ABL1: variants seen among roughly 807,000 people sequenced by gnomAD.
The protein encoded by ABL1 is ABL proto-oncogene 1, non-receptor tyrosine kinase, also known as tyrosine-protein kinase ABL1.
Under a neutral mutation model 94.7 loss-of-function variants are expected in ABL1, and 11 were observed. The observed-to-expected ratio is 0.12, with a 90% confidence interval of 0.07 to 0.19. The LOEUF (loss-of-function observed/expected upper bound fraction) is 0.19, where lower values mean the gene tolerates loss of function less well. ABL1 is among the 10% of genes least tolerant of loss of function. ABL1 has a pLI of 1.00. For missense variants in ABL1, 1,082 were observed against 1,489.4 expected (o/e 0.73, Z 4.50); for synonymous variants, 656 against 622.4 (o/e 1.05, Z -0.80).
At chr9:130,720,645 C>CTA (rs1831502939) in intron 1 of ABL1, among the ~76,000 whole-genome samples, 1 of 152,140 alleles carries the variant, frequency 6.6e-6, no homozygotes, top group Non-Finnish European at 1.5e-5. Flanking sequence ...TCCGAGGGGA[C>CTA]TATACTATCT....
At chr9:130,807,192 T>C (rs1213435634) in intron 1 of ABL1, among the ~76,000 whole-genome samples, 1 of 152,142 alleles carries the variant, frequency 6.6e-6, no homozygotes, top group Non-Finnish European at 1.5e-5. Flanking sequence ...TGCATGGTAT[T>C]CTATTGTGTG....
intron 6 of ABL1, among the ~76,000 whole-genome samples, chr9:130,873,681 CT>C (rs1201029577): frequency 2.6e-4 from 40 of 152,330 alleles, no homozygotes; most frequent in African/African-American, 9.6e-4. Flanking sequence ...CCACAATTAT[CT>C]TGGTCTTCAA....
At chr9:130,744,328 A>C (rs1445658672) in intron 1 of ABL1, among the ~76,000 whole-genome samples, 2 of 151,318 alleles carry the variant, frequency 1.3e-5, no homozygotes, top group African/African-American at 4.8e-5. Flanking sequence ...TTTTTAGTAG[A>C]GATGGGGTTT....
chr9:130,868,956 A>G (rs1352213642), intron 4 of ABL1, among the ~76,000 whole-genome samples: 1 of 151,924 alleles, frequency 6.6e-6, no homozygotes, highest in Admixed American at 6.6e-5. Flanking sequence ...TCACAAGGTC[A>G]GGAGATCAAG....
intron 1 of ABL1, among the ~76,000 whole-genome samples, chr9:130,751,044 A>G (rs1831958439): frequency 6.6e-6 from 1 of 151,266 alleles, no homozygotes; most frequent in South Asian, 2.1e-4. Flanking sequence ...TGCTAAAAAC[A>G]TGCAAGACAG....
chr9:130,822,049 G>A (rs1291951343), intron 1 of ABL1, among the ~76,000 whole-genome samples: 3 of 151,866 alleles, frequency 2.0e-5, no homozygotes, highest in Non-Finnish European at 2.9e-5. Flanking sequence ...TGTGTTAGCC[G>A]GGATGCTCTC....
At chr9:130,773,758 G>A (rs1832280943) in intron 1 of ABL1, among the ~76,000 whole-genome samples, 1 of 150,588 alleles carries the variant, frequency 6.6e-6, no homozygotes, top group Admixed American at 6.7e-5. Context: ...TGGGATTACA[G>A]ACATGAGCCA....
At chr9:130,780,666 A>T (rs36002018) in intron 1 of ABL1, among the ~76,000 whole-genome samples, 2,498 of 152,284 alleles carry the variant, frequency 0.016, 40 homozygotes, top group South Asian at 0.059. Flanking sequence ...TAGATAAAAA[A>T]AAGTTGAGAG....
chr9:130,755,148 G>A (rs1832026669), intron 1 of ABL1, among the ~76,000 whole-genome samples: 1 of 152,184 alleles, frequency 6.6e-6, no homozygotes, highest in Non-Finnish European at 1.5e-5. Flanking sequence ...GAAGGAATTT[G>A]TTAAAATATC....
chr9:130,778,687 C>T (rs1042447009), intron 1 of ABL1, among the ~76,000 whole-genome samples: 4 of 151,468 alleles, frequency 2.6e-5, no homozygotes, highest in Non-Finnish European at 1.5e-5. Flanking sequence ...GTTGAAATAT[C>T]TAGTATGATG....
At chr9:130,882,107 C>T (rs1489231447) in intron 10 of ABL1, among the ~76,000 whole-genome samples, 1 of 152,190 alleles carries the variant, frequency 6.6e-6, no homozygotes, top group Non-Finnish European at 1.5e-5. Flanking sequence ...TCCACCCTTC[C>T]TCCTCTTATC....
In ABL1 at chr9:130,879,715, C is replaced by T. The variant is rs34969381; in HGVS notation, c.1424-353C>T. Among the ~76,000 whole-genome samples the T allele has an allele frequency of 2.0e-4, 30 of 152,306 alleles. No homozygotes were observed. The East Asian group carries it at 4.8e-3, about 24-fold the overall frequency. Reference sequence around the variant, plus strand: ...CATTTTCATGAGAATTTCTTTACTTCAGACTTTGATAACCGTGAAGAAAGA... The same window carrying T: ...CATTTTCATGAGAATTTCTTTACTTTAGACTTTGATAACCGTGAAGAAAGA... On this transcript the variant is annotated intron_variant, in intron 8 of 10. Transcript: ENST00000318560.
rs771729224 is a variant in ABL1, at chr9:130,885,060, G to T, written c.2770G>T (p.Gly924Trp). The change falls in exon 11 of 11, where the codon GGG becomes TGG. Residue 924 changes from glycine to tryptophan, a missense_variant. Physicochemically the swap from Gly to Trp is radical, Grantham distance 184 (BLOSUM62 -2). This residue lies in a region of ABL1 where 780 missense variants were observed against 835.8 expected (regional missense o/e 0.93). Coordinates refer to ENST00000318560, the MANE Select transcript of ABL1 (RefSeq NM_005157.6). ...PSQSPSQEAA[G>W]EAVLGAKTKA... is the part of the protein sequence containing the mutation. ...GCAGAGCCCGAGCCAGGAGGCGGCC[G>T]GGGAGGCAGTCCTGGGCGCAAAGAC... is the stretch of plus-strand genomic sequence containing the variant. The T allele has an allele frequency of 1.9e-6, 3 of 1,609,662 alleles. No homozygotes were observed. The Admixed American group carries it at 5.0e-5, about 27-fold the overall frequency.
chr9:130,733,734 GCGCCTGCCACCA>G (rs1158345672), intron 1 of ABL1, among the ~76,000 whole-genome samples: 2 of 151,110 alleles, frequency 1.3e-5, no homozygotes, highest in African/African-American at 4.9e-5. Flanking sequence ...GCCCGCCACC[GCGCCTGCCACCA>G]CGCCCGGCTA....
chr9:130,845,843 A>G (rs1830760044), intron 1 of ABL1, among the ~76,000 whole-genome samples: 2 of 151,028 alleles, frequency 1.3e-5, no homozygotes, highest in East Asian at 3.8e-4. Context: ...CCGGGCAACA[A>G]GAGCAAAACT....
intron 1 of ABL1, among the ~76,000 whole-genome samples, chr9:130,819,453 A>G (rs542237293): frequency 2.0e-5 from 3 of 152,038 alleles, no homozygotes; most frequent in South Asian, 4.2e-4. Flanking sequence ...TGAAAGGGCC[A>G]TTCCCAAATC....
At chr9:130,765,141 T>C (rs888359290) in intron 1 of ABL1, among the ~76,000 whole-genome samples, 2 of 152,202 alleles carry the variant, frequency 1.3e-5, no homozygotes, top group African/African-American at 4.8e-5. Context: ...CTTCTAAGGC[T>C]TCCTGAAATT....
rs765181270 is a variant in ABL1, at chr9:130,885,357, G to A, written c.3067G>A (p.Ala1023Thr). Residue 1023 changes from alanine (A) to threonine (T), a missense_variant, in exon 11 of 11, where the codon GCC (alanine) becomes ACC (threonine). Physicochemically the swap from Ala to Thr is moderately conservative, Grantham distance 58. Coordinates refer to ENST00000318560, the MANE Select transcript of ABL1 (RefSeq NM_005157.6). ...RKTRQPPERI[A>T]SGAITKGVVL... ...AACCCGCCAGCCTCCAGAGCGGATCGCCAGCGGCGCCATCACCAAGGGCGT... is the reference window on the plus strand; with the variant it reads ...AACCCGCCAGCCTCCAGAGCGGATCACCAGCGGCGCCATCACCAAGGGCGT... 8.1e-6 allele frequency: 13 copies of A among 1,613,644 alleles called. No individual in the cohort carries two copies. Among genetic ancestry groups the A allele is most frequent in the East Asian group, 2.2e-5 (1 of 44,866 alleles).
At chr9:130,779,536 A>G (rs1470646721) in intron 1 of ABL1, among the ~76,000 whole-genome samples, 7 of 152,108 alleles carry the variant, frequency 4.6e-5, no homozygotes, top group Non-Finnish European at 1.0e-4. Context: ...CCCCAACGCT[A>G]AAGACCTCAT....
Sources: gnomAD v4.1 joint callset for allele counts (sites outside exome capture counted in the v4.1 genomes callset) on GRCh38, gnomAD v4.1.1 for gene constraint, gnomAD v4.1.1 regional missense constraint, MANE v1.5 for transcripts, NCBI Gene and HGNC (gene_info 2026-07-23, HGNC 2026-07-21) for gene names.